TRPV1: variants seen among roughly 807,000 people sequenced by gnomAD.
TRPV1 encodes OTRPC1.
A neutral mutation model predicts 82.3 loss-of-function variants in TRPV1; 82 were observed. The ratio of observed to expected loss-of-function variants is 1.00; its 90% CI spans 0.83 to 1.20. The LOEUF is 1.20. Ranked by LOEUF, TRPV1 falls within the 50% of genes most tolerant of loss-of-function variation. TRPV1 has a pLI of 0.00. For synonymous variants in TRPV1, 515 were observed against 467.7 expected (o/e 1.10, Z -1.30); for missense variants, 1,067 against 1,096.8 (o/e 0.97, Z 0.38).
intron 8 of TRPV1, among the ~76,000 whole-genome samples, chr17:3,586,270 G>T (rs1032773368): frequency 6.6e-6 from 1 of 152,120 alleles, no homozygotes; most frequent in Non-Finnish European, 1.5e-5. Context: ...GAAGTAGTTG[G>T]CTTAGGCAGA....
At chr17:3,588,516 T>A (rs1363171010) in intron 7 of TRPV1, 149 bp from the exon 8 acceptor site, 28 of 899,096 alleles carry the variant, frequency 3.1e-5, no homozygotes, top group Non-Finnish European at 4.3e-5. Flanking sequence ...ACCACTGAGA[T>A]CAACCAGCCG....
chr17:3,603,956 GA>G (rs2075281057), intron 2 of TRPV1, among the ~76,000 whole-genome samples: 1 of 152,202 alleles, frequency 6.6e-6, no homozygotes, highest in Admixed American at 6.5e-5. Flanking sequence ...GCCCACGATG[GA>G]CAGGAAAGGA....
In TRPV1 at chr17:3,566,760, G is replaced by T; in HGVS notation, c.*55C>A. On this transcript the variant is annotated 3_prime_UTR_variant, in exon 17 of 17. Transcript: ENST00000572705. ...ACTGGTGTTCCCTCAGCAGCCCCCC[G>T]TGGCAACGGGGTCTCCTAAGGCCCA... The T allele has an allele frequency of 6.3e-7, 1 of 1,581,104 alleles. No individual in the cohort carries two copies. Among genetic ancestry groups the T allele is most frequent in the Non-Finnish European group, 8.6e-7 (1 of 1,161,582 alleles).
chr17:3,568,287 A>C (rs1268777904), intron 16 of TRPV1, among the ~76,000 whole-genome samples: 1 of 149,646 alleles, frequency 6.7e-6, no homozygotes, highest in Admixed American at 6.8e-5. Flanking sequence ...GCGCCACTGC[A>C]CTCCAGCCTG....
At chr17:3,600,552 G>A (rs1290403182) in intron 2 of TRPV1, among the ~76,000 whole-genome samples, 2 of 152,116 alleles carry the variant, frequency 1.3e-5, no homozygotes, top group East Asian at 3.8e-4. Context: ...TCACACCACT[G>A]TACTCCAGCC....
chr17:3,576,668 A>AAAAAAAAAAAT, intron 13 of TRPV1, among the ~76,000 whole-genome samples: 3 of 38,422 alleles, frequency 7.8e-5, no homozygotes, highest in Non-Finnish European at 1.1e-4. Flanking sequence ...AAAAAAAAAA[A>AAAAAAAAAAAT]ATATATATAT....
Position 3,572,155 on chromosome 17 carries a change from G to C in TRPV1, c.2198C>G (p.Pro733Arg). 6.2e-7 allele frequency: 1 copy of C among 1,613,710 alleles called. No homozygotes were observed. The highest frequency in any genetic ancestry group is 8.5e-7 in the Non-Finnish European group (1 of 1,179,780). The change falls in exon 15 of 17, where the codon CCT becomes CGT. Residue 733 changes from proline (P) to arginine (R), a missense_variant. By Grantham distance (103) the Pro-to-Arg change is moderately radical. Transcript: ENST00000572705. ...SGKLLQVGYTPDGKDDYRWCF... is the reference protein window; with the variant it reads ...SGKLLQVGYTRDGKDDYRWCF... ...CCACCGGTAGTCGTCCTTGCCATCAGGTGTGTACCCCACCTGCAGCAGCTT... is the reference window on the plus strand; with the variant it reads ...CCACCGGTAGTCGTCCTTGCCATCACGTGTGTACCCCACCTGCAGCAGCTT...
intron 2 of TRPV1, among the ~76,000 whole-genome samples, chr17:3,602,924 C>A (rs2075274197): frequency 6.6e-6 from 1 of 152,118 alleles, no homozygotes; most frequent in Non-Finnish European, 1.5e-5. Flanking sequence ...GAGTTCGAGA[C>A]CAGCCTGGCC....
chr17:3,573,571 C>T (rs1053140534), intron 14 of TRPV1, 62 bp downstream of exon 14: 5 of 572,838 alleles, frequency 8.7e-6, no homozygotes, highest in South Asian at 2.3e-5. Context: ...CTGTGTAAGA[C>T]AGCAGACAGA....
Position 3,573,917 on chromosome 17 carries a change from G to C in TRPV1, c.1819C>G (p.Leu607Val), listed in dbSNP as rs2074895098. ...TLIEDGKNDS[L>V]PSESTSHRWR... Reference sequence around the variant, plus strand: ...CTGTGCGACGTGGACTCAGACGGCAGGGAGTCATTCTTCCCGTCTTCAATC... The same window carrying C: ...CTGTGCGACGTGGACTCAGACGGCACGGAGTCATTCTTCCCGTCTTCAATC... The change falls in exon 14 of 17, where the codon CTG becomes GTG. Residue 607 changes from leucine to valine, a missense_variant. Transcript: ENST00000572705. The C allele has an allele frequency of 6.2e-7, 1 of 1,607,798 alleles. No homozygotes were observed. The highest frequency in any genetic ancestry group is 1.3e-5 in the African/African-American group (1 of 74,282).
Position 3,573,532 on chromosome 17 carries a change from G to GCCACCCC in TRPV1, c.2103+100_2103+101insGGGGTGG. Reference sequence around the variant, plus strand: ...GCCCATACCCTCCTGGCCACACACCGCCCCCACCACCCACCCACCTGCAGC... The same window carrying GCCACCCC: ...GCCCATACCCTCCTGGCCACACACCGCCACCCCCCCCCACCACCCACCCACCTGCAGC... On this transcript the variant is annotated intron_variant, in intron 14 of 16. Transcript: ENST00000572705. 10 of 257,074 alleles carry GCCACCCC rather than the reference G, an allele frequency of 3.9e-5. 3 individuals are homozygous for GCCACCCC. Among genetic ancestry groups the GCCACCCC allele is most frequent in the South Asian group, 2.1e-4 (7 of 33,506 alleles). 15.9% of individuals were successfully genotyped at this position (257,074 alleles called of 1,614,324 possible).
At chr17:3,601,489 C>T (rs2075262974) in intron 2 of TRPV1, among the ~76,000 whole-genome samples, 1 of 152,024 alleles carries the variant, frequency 6.6e-6, no homozygotes. Context: ...CCCTTTCCCC[C>T]ACCCTCCTCC....
intron 7 of TRPV1, chr17:3,589,100 A>G: frequency 1.3e-6 from 1 of 774,526 alleles, no homozygotes; most frequent in Non-Finnish European, 2.1e-6. Flanking sequence ...TGTCACCAGG[A>G]GCCACCAGCT....
intron 14 of TRPV1, among the ~76,000 whole-genome samples, chr17:3,572,852 G>A (rs1181350884): frequency 4.6e-5 from 7 of 152,186 alleles, no homozygotes; most frequent in East Asian, 3.9e-4. Context: ...GTGTGGTGGT[G>A]GGTGCCTGCA....
rs757861035 is a variant in TRPV1, at chr17:3,572,213, G to A, written c.2140C>T (p.Leu714Phe). 2 of 1,611,702 alleles carry A rather than the reference G, an allele frequency of 1.2e-6. No individual in the cohort carries two copies. The highest frequency in any genetic ancestry group is 1.7e-6 in the Non-Finnish European group (2 of 1,178,970). ...CGGAAGGCCTTCCTCATGCACTTAA[G>A]GAAGCTCTTCTCCGTGTCCAGGATG... ...ITILDTEKSF[L>F]KCMRKAFRSG... is the part of the protein sequence containing the mutation. The change falls in exon 15 of 17, where the codon CTT becomes TTT. Residue 714 changes from leucine to phenylalanine, a missense_variant. Physicochemically the swap from Leu to Phe is conservative, Grantham distance 22. Coordinates refer to ENST00000572705, the MANE Select transcript of TRPV1 (RefSeq NM_080704.4).
At chr17:3,601,753 C>G (rs555280271) in intron 2 of TRPV1, 1 of 133,922 alleles carries the variant, frequency 7.5e-6, no homozygotes. Context: ...TGCACCACCA[C>G]GCTCGGATTT....
chr17:3,585,525 A>C, intron 9 of TRPV1: 1 of 485,530 alleles, frequency 2.1e-6, no homozygotes, highest in South Asian at 2.6e-5. Flanking sequence ...GCCCCACAGG[A>C]CCTCAAGGTT....
rs1385629656 is a variant in TRPV1, at chr17:3,603,212, C to G, written c.-34+5215G>C. Reference sequence around the variant, plus strand: ...TTCCTGTCACCGGGTGCCCAAGAGTCTAAAAGACCAGCTTCCGTGGAGGGC... The same window carrying G: ...TTCCTGTCACCGGGTGCCCAAGAGTGTAAAAGACCAGCTTCCGTGGAGGGC... On this transcript the variant is annotated intron_variant, in intron 2 of 16. Transcript: ENST00000572705. Among the ~76,000 whole-genome samples, 3 of 152,120 alleles carry G rather than the reference C, an allele frequency of 2.0e-5. No homozygotes were observed. The East Asian group carries it at 5.8e-4, about 29-fold the overall frequency.
chr17:3,565,791 G>A lies in TRPV1; in HGVS notation c.*1024C>T, dbSNP rs1341651271. 1 of 152,274 alleles carries A rather than the reference G, an allele frequency of 6.6e-6. No homozygotes were observed. The highest frequency in any genetic ancestry group is 6.5e-5 in the Admixed American group (1 of 15,284). The allele number at this position is 152,274 out of a possible 1,614,324, so 9.4% of individuals were successfully genotyped here. ...AGAGGAGCAAGCACGGCACAGAGAG[G>A]AAGGGCCTCTGCATTTTCCATCAAA... On this transcript the variant is annotated 3_prime_UTR_variant, in exon 17 of 17. Transcript: ENST00000572705.
Sources: allele counts gnomAD v4.1 joint callset (sites outside exome capture counted in the v4.1 genomes callset), GRCh38; gene constraint gnomAD v4.1.1; transcripts MANE v1.5; gene names NCBI Gene and HGNC (gene_info 2026-07-23, HGNC 2026-07-21).